CD59: variants seen among roughly 807,000 people sequenced by gnomAD.
The protein encoded by CD59 is CD59 molecule (CD59 blood group), also known as CD59 glycoprotein.
In CD59, 3 loss-of-function variants were observed where a neutral mutation model predicts 7.0. The ratio of observed to expected loss-of-function variants is 0.43; its 90% confidence interval spans 0.19 to 1.10. The LOEUF is 1.10. Among genes scored for constraint, CD59 ranks in the 50% least tolerant of loss-of-function variants. CD59 has a pLI of 0.29. For missense variants in CD59, 143 were observed against 151.0 expected (o/e 0.95, Z 0.28); for synonymous variants, 60 against 62.0 (o/e 0.97, Z 0.15).
intron 2 of CD59, among the ~76,000 whole-genome samples, chr11:33,720,707 C>T (rs777960921): frequency 6.6e-6 from 1 of 151,864 alleles, no homozygotes; most frequent in African/African-American, 2.4e-5. Flanking sequence ...CCAGCCTGGG[C>T]GACAGAGTGA....
intron 1 of CD59, among the ~76,000 whole-genome samples, chr11:33,727,753 C>T (rs1001875850): frequency 2.0e-5 from 3 of 152,182 alleles, no homozygotes; most frequent in Non-Finnish European, 2.9e-5. Context: ...GATGACATGA[C>T]TGTGTATTTA....
intron 3 of CD59, among the ~76,000 whole-genome samples, chr11:33,712,324 T>G (rs1211009881): frequency 6.6e-6 from 1 of 152,174 alleles, no homozygotes; most frequent in African/African-American, 2.4e-5. Context: ...CACACAAGTT[T>G]CCACATGAAT....
chr11:33,713,973 T>C (rs887047006), intron 3 of CD59, among the ~76,000 whole-genome samples: 15 of 152,200 alleles, frequency 9.9e-5, no homozygotes, highest in African/African-American at 3.6e-4. Flanking sequence ...TAGGCACCCT[T>C]AAATGTGGCC....
chr11:33,731,694 T>G (rs1216593175), intron 1 of CD59, among the ~76,000 whole-genome samples: 1 of 152,226 alleles, frequency 6.6e-6, no homozygotes, highest in African/African-American at 2.4e-5. Context: ...GAGGGTGACC[T>G]GGCATAAGGG....
At chr11:33,720,274 A>T (rs1433303795) in intron 2 of CD59, among the ~76,000 whole-genome samples, 1 of 152,240 alleles carries the variant, frequency 6.6e-6, no homozygotes, top group Non-Finnish European at 1.5e-5. Context: ...CACAGCTACT[A>T]AGTGACCGAG....
intron 1 of CD59, among the ~76,000 whole-genome samples, chr11:33,730,141 T>C (rs1480624227): frequency 6.6e-6 from 1 of 152,090 alleles, no homozygotes; most frequent in Non-Finnish European, 1.5e-5. Context: ...AAAGTTAAAA[T>C]GTGTCAGCCA....
chr11:33,716,505 A>G (rs539441015), intron 3 of CD59, among the ~76,000 whole-genome samples: 1 of 152,292 alleles, frequency 6.6e-6, no homozygotes, highest in Non-Finnish European at 1.5e-5. Context: ...TTGGACACTA[A>G]GAACATTCTG....
chr11:33,727,308 A>G (rs1347624518), intron 1 of CD59, among the ~76,000 whole-genome samples: 4 of 152,254 alleles, frequency 2.6e-5, no homozygotes, highest in East Asian at 3.8e-4. Context: ...GCAGCACATC[A>G]AAAAGCTCAT....
At chr11:33,735,043 T>A (rs1399472607) in intron 1 of CD59, among the ~76,000 whole-genome samples, 1 of 152,240 alleles carries the variant, frequency 6.6e-6, no homozygotes, top group Non-Finnish European at 1.5e-5. Context: ...CCACAAGTTT[T>A]AGGACTGTTT....
chr11:33,723,054 G>C (rs770342045), intron 1 of CD59: 1 of 730,238 alleles, frequency 1.4e-6, no homozygotes, highest in East Asian at 1.2e-4. Flanking sequence ...ATAGCATCAG[G>C]TGAGAAGAAG....
intron 3 of CD59, among the ~76,000 whole-genome samples, chr11:33,712,716 C>T (rs1328910455): frequency 1.3e-5 from 2 of 152,200 alleles, no homozygotes; most frequent in Non-Finnish European, 2.9e-5. Flanking sequence ...ATAAGTCATA[C>T]AACCTTGTAA....
At chr11:33,715,318 T>C (rs919964791) in intron 3 of CD59, among the ~76,000 whole-genome samples, 3 of 152,168 alleles carry the variant, frequency 2.0e-5, no homozygotes, top group African/African-American at 7.2e-5. Flanking sequence ...TTCCCACTGC[T>C]GCTGGGCGTG....
At chr11:33,728,122 T>G (rs1026566601) in intron 1 of CD59, among the ~76,000 whole-genome samples, 4 of 152,180 alleles carry the variant, frequency 2.6e-5, no homozygotes, top group African/African-American at 9.7e-5. Flanking sequence ...TTCAATGCTA[T>G]TCCCATCAAG....
intron 3 of CD59, among the ~76,000 whole-genome samples, chr11:33,717,015 C>A (rs958993951): frequency 6.6e-6 from 1 of 152,208 alleles, no homozygotes; most frequent in Admixed American, 6.5e-5. Context: ...GCTGGGCACA[C>A]AGTAGGTTCT....
chr11:33,716,404 G>C (rs1725839887), intron 3 of CD59, among the ~76,000 whole-genome samples: 2 of 152,170 alleles, frequency 1.3e-5, no homozygotes, highest in Non-Finnish European at 2.9e-5. Context: ...GACACTGGGG[G>C]GAGCTGGTGT....
intron 2 of CD59, chr11:33,717,804 A>G (rs537658307): frequency 1.6e-4 from 56 of 350,264 alleles, no homozygotes; most frequent in Admixed American, 1.3e-4. Context: ...ACAGAATTCT[A>G]TAAGTGTCTT....
In CD59 at chr11:33,706,240, G is replaced by A. The variant is rs1243351396; in HGVS notation, c.*3886C>T. 6.6e-6 allele frequency: 1 copy of A among 151,780 alleles called. No individual in the cohort carries two copies. The highest frequency in any genetic ancestry group is 1.5e-5 in the Non-Finnish European group (1 of 67,922). The allele number at this position is 151,780 out of a possible 1,614,324, so 9.4% of individuals were successfully genotyped here. ...TACTGTGGTCATTTATCTTATCCCA[G>A]AATAACAGGAGTGTGTATAAACAGG... On this transcript the variant is annotated 3_prime_UTR_variant, in exon 4 of 4. Coordinates refer to ENST00000642928, the MANE Select transcript of CD59 (RefSeq NM_000611.6).
intron 3 of CD59, among the ~76,000 whole-genome samples, chr11:33,715,962 A>G (rs75508066): frequency 0.026 from 4,017 of 152,346 alleles, 166 homozygotes; most frequent in African/African-American, 0.091. Context: ...TAGTTTAATT[A>G]TACTTAGTAG....
intron 1 of CD59, among the ~76,000 whole-genome samples, chr11:33,732,615 C>T: frequency 6.6e-6 from 1 of 152,156 alleles, no homozygotes; most frequent in East Asian, 1.9e-4. Flanking sequence ...ATTTGGTGAG[C>T]AAATATCAAG....
Sources: gnomAD v4.1 joint callset for allele counts (sites outside exome capture counted in the v4.1 genomes callset) on GRCh38, gnomAD v4.1.1 for gene constraint, MANE v1.5 for transcripts, NCBI Gene and HGNC (gene_info 2026-07-23, HGNC 2026-07-21) for gene names.